HM13: variants seen among roughly 807,000 people sequenced by gnomAD.
HM13 encodes histocompatibility minor 13, also known as signal peptide peptidase.
Under a neutral mutation model 50.0 loss-of-function variants are expected in HM13, and 18 were observed. That is an observed-to-expected ratio of 0.36 (90% CI 0.25 to 0.53). The LOEUF is 0.53. Among genes scored for constraint, HM13 ranks in the 20% least tolerant of loss-of-function variants. The pLI is 0.90. For missense variants in HM13, 393 were observed against 552.4 expected, an observed-to-expected ratio of 0.71 and a Z score of 2.89; for synonymous variants, 197 against 232.6, an observed-to-expected ratio of 0.85 and a Z score of 1.39.
chr20:31,517,369 C>T (rs1981858903), intron 1 of HM13, among the ~76,000 whole-genome samples: 1 of 152,162 alleles, frequency 6.6e-6, no homozygotes. Context: ...ATATCCCAGA[C>T]AGAAGCGAAT....
chr20:31,536,382 G>A (rs1468595512), intron 2 of HM13, among the ~76,000 whole-genome samples: 3 of 151,794 alleles, frequency 2.0e-5, no homozygotes, highest in African/African-American at 7.3e-5. Flanking sequence ...TGGGGGTCAG[G>A]GGAGCAGAAC....
intron 1 of HM13, among the ~76,000 whole-genome samples, chr20:31,516,519 A>T (rs1981792184): frequency 6.6e-6 from 1 of 152,206 alleles, no homozygotes; most frequent in Non-Finnish European, 1.5e-5. Flanking sequence ...CACATCTGGG[A>T]CAATGCAGGG....
At chr20:31,537,766 G>A (rs1454856777) in intron 2 of HM13, among the ~76,000 whole-genome samples, 1 of 152,172 alleles carries the variant, frequency 6.6e-6, no homozygotes, top group Non-Finnish European at 1.5e-5. Flanking sequence ...CGGCCTGGGT[G>A]GCCACTCTGT....
chr20:31,561,447 A>G (rs1198405805), intron 9 of HM13, among the ~76,000 whole-genome samples, 187 bp from the exon 10 acceptor site: 3 of 152,184 alleles, frequency 2.0e-5, no homozygotes, highest in Non-Finnish European at 4.4e-5. Context: ...AGAGAAGGAA[A>G]GCAACTTGTC....
intron 2 of HM13, among the ~76,000 whole-genome samples, chr20:31,534,958 C>T (rs975539852): frequency 1.3e-5 from 2 of 151,798 alleles, no homozygotes; most frequent in Non-Finnish European, 2.9e-5. Context: ...TGGTGGCAGG[C>T]GCCTGTAGTC....
intron 4 of HM13, among the ~76,000 whole-genome samples, chr20:31,545,598 C>G (rs1264519810): frequency 6.6e-6 from 1 of 152,026 alleles, no homozygotes. Context: ...GACCTCATCT[C>G]TACAAAAAAA....
At chr20:31,527,606 G>GA in intron 2 of HM13, 24 bp downstream of exon 2, 1 of 1,485,774 alleles carries the variant, frequency 6.7e-7, no homozygotes, top group South Asian at 1.1e-5. Flanking sequence ...CACCTGTTGT[G>GA]TCATTTGATC....
chr20:31,548,992 G>A lies in HM13; in HGVS notation c.455-37G>A, dbSNP rs780849023. The A allele has an allele frequency of 6.3e-6, 10 of 1,581,350 alleles. No homozygotes were observed. The East Asian group carries it at 2.0e-4, about 32-fold the overall frequency. The stretch of plus-strand genomic sequence containing the variant: ...GCTGACAGGTGGGAGGGGTAGCCCT[G>A]CCTCAGGGAGTGGACTTACCTGGCC... On this transcript the variant is annotated intron_variant, in intron 4 of 12. Coordinates refer to ENST00000398174, the MANE Select transcript of HM13 (RefSeq NM_178581.3).
intron 3 of HM13, chr20:31,538,615 T>G: frequency 8.1e-7 from 1 of 1,233,992 alleles, no homozygotes; most frequent in East Asian, 3.2e-5. Context: ...AAGTGCCATG[T>G]TGGGCTCCTC....
Position 31,514,639 on chromosome 20 carries a change from G to C in HM13, c.88G>C (p.Glu30Gln). Residue 30 changes from glutamate (E) to glutamine (Q), a missense_variant, in exon 1 of 13, where the codon GAG (glutamate) becomes CAG (glutamine). By Grantham distance (29) the Glu-to-Gln change is conservative. This residue lies in a region of HM13 where 214 missense variants were observed against 276.1 expected (regional missense o/e 0.77). Coordinates refer to ENST00000398174, the MANE Select transcript of HM13 (RefSeq NM_178581.3). This position sits in a 1 kb window ranked among gnomAD's most constrained non-coding sequence, Gnocchi z 4.3. ...CACTACGCGGCCGCCTTCCACGCCC[G>C]AGGGCATCGCGCTGGCCTACGGCAG... ...NSTTRPPSTPEGIALAYGSLL... is the reference protein window; with the variant it reads ...NSTTRPPSTPQGIALAYGSLL... The C allele has an allele frequency of 6.3e-7, 1 of 1,578,226 alleles. No individual in the cohort carries two copies. The highest frequency in any genetic ancestry group is 8.6e-7 in the Non-Finnish European group (1 of 1,163,428).
chr20:31,542,925 C>T (rs1983524879), intron 3 of HM13, among the ~76,000 whole-genome samples: 1 of 152,172 alleles, frequency 6.6e-6, no homozygotes, highest in South Asian at 2.1e-4. Context: ...CCCAGGAAGT[C>T]TGGCTCCGGA....
chr20:31,566,122 C>A, intron 10 of HM13, 88 bp from the exon 11 acceptor site: 1 of 947,720 alleles, frequency 1.1e-6, no homozygotes, highest in Non-Finnish European at 1.6e-6. Flanking sequence ...GTCCTTCAGT[C>A]CAGCCCAGAA....
chr20:31,531,398 ATT>A (rs559250021), intron 2 of HM13, among the ~76,000 whole-genome samples: 1 of 134,384 alleles, frequency 7.4e-6, no homozygotes, highest in Admixed American at 7.5e-5. Context: ...TTGGATCGGA[ATT>A]TTTTTTTTTT....
intron 1 of HM13, among the ~76,000 whole-genome samples, chr20:31,518,335 AT>A (rs1218290849): frequency 0.012 from 1,687 of 138,982 alleles, 29 homozygotes; most frequent in African/African-American, 0.041. Flanking sequence ...GCGCCCAGCA[AT>A]TTTTTTTTTT....
rs552185572 is a variant in HM13, at chr20:31,554,835, C to G, written c.808+6C>G. 3 of 1,612,522 alleles carry G rather than the reference C, an allele frequency of 1.9e-6. No homozygotes were observed. The highest frequency in any genetic ancestry group is 3.3e-5 in the Admixed American group (2 of 60,018). On this transcript the variant is annotated splice_donor_region_variant and intron_variant, in intron 8 of 12. Transcript: ENST00000398174. ...TGGAGATGTCGTCATTCCAGGTGAG[C>G]CTGCTGGTGTGGGGGCTATGTGAAA...
At chr20:31,553,539 G>A (rs1257608395) in intron 7 of HM13, among the ~76,000 whole-genome samples, 1 of 152,010 alleles carries the variant, frequency 6.6e-6, no homozygotes, top group Non-Finnish European at 1.5e-5. Flanking sequence ...CGTTTCACAG[G>A]TGACAAAACT....
chr20:31,568,150 AG>A lies in HM13; in HGVS notation c.1108del (p.Ala370ProfsTer11). The A allele has an allele frequency of 6.2e-7, 1 of 1,613,098 alleles. No individual in the cohort carries two copies. The highest frequency in any genetic ancestry group is 1.1e-5 in the South Asian group (1 of 91,020). ...ACTTCCCCACAGTCTCGGGCTCCCC[AG>A]CCAGCCTGGCCGACTCCATGCAGCA... The part of the protein sequence containing the change: ...THFPTVSGSP[A>X]SLADSMQQKL... On this transcript the variant is annotated frameshift_variant, in exon 12 of 13. Transcript: ENST00000398174. LOFTEE classifies it high-confidence loss of function.
intron 3 of HM13, among the ~76,000 whole-genome samples, chr20:31,543,075 C>G (rs1983532255): frequency 1.3e-5 from 2 of 152,190 alleles, no homozygotes; most frequent in Admixed American, 1.3e-4. Flanking sequence ...AAAACTGATT[C>G]AGCAAACTAA....
chr20:31,550,461 C>CT, intron 7 of HM13: 1 of 262,120 alleles, frequency 3.8e-6, no homozygotes, highest in East Asian at 7.8e-5. Context: ...CTGGGGTCCC[C>CT]TTGGCACCTG....
Sources: gnomAD v4.1 joint callset for allele counts (sites outside exome capture counted in the v4.1 genomes callset) on GRCh38, gnomAD v4.1.1 for gene constraint, gnomAD v4.1.1 regional missense constraint, Gnocchi (gnomAD v3.1) non-coding constraint, MANE v1.5 for transcripts, NCBI Gene and HGNC (gene_info 2026-07-23, HGNC 2026-07-21) for gene names.